TRPM3: variants seen among roughly 807,000 people sequenced by gnomAD.
The protein encoded by TRPM3 is long transient receptor potential channel 3.
A neutral mutation model predicts 181.2 loss-of-function variants in TRPM3; 77 were observed. The ratio of observed to expected loss-of-function variants is 0.42; its 90% CI spans 0.35 to 0.51. The LOEUF (loss-of-function observed/expected upper bound fraction) is 0.51, where lower values mean the gene tolerates loss of function less well. Ranked by LOEUF, TRPM3 falls within the 20% of genes least tolerant of loss-of-function variation. TRPM3 has a pLI of 0.01. For missense variants in TRPM3, 1,759 were observed against 2,196.7 expected (o/e 0.80, Z 3.98); for synonymous variants, 745 against 796.4 (o/e 0.94, Z 1.09).
At chr9:70,969,315 C>T (rs2097215520) in intron 1 of TRPM3, among the ~76,000 whole-genome samples, 1 of 151,962 alleles carries the variant, frequency 6.6e-6, no homozygotes, top group African/African-American at 2.4e-5. Flanking sequence ...AGGAGAAATA[C>T]CTAATGCAGG....
chr9:70,864,158 A>G (rs1312495541), intron 2 of TRPM3, among the ~76,000 whole-genome samples: 2 of 152,072 alleles, frequency 1.3e-5, no homozygotes, highest in Non-Finnish European at 2.9e-5. Flanking sequence ...ACCAATAACC[A>G]TAACAAAAAA....
At chr9:70,971,330 C>G (rs1174076196) in intron 1 of TRPM3, among the ~76,000 whole-genome samples, 1 of 152,144 alleles carries the variant, frequency 6.6e-6, no homozygotes, top group African/African-American at 2.4e-5. Context: ...ATTGAAATAG[C>G]TGACACCCAT....
chr9:71,392,088 T>C (rs2093074925), intron 1 of TRPM3, among the ~76,000 whole-genome samples: 1 of 152,018 alleles, frequency 6.6e-6, no homozygotes, highest in Admixed American at 6.6e-5. Context: ...GAGCAGAAAC[T>C]AAAAAGAGAA....
At chr9:70,668,617 A>T (rs1431204338) in intron 9 of TRPM3, among the ~76,000 whole-genome samples, 1 of 144,554 alleles carries the variant, frequency 6.9e-6, no homozygotes, top group Non-Finnish European at 1.5e-5. Flanking sequence ...GTGAGCCGAG[A>T]TCGCGCCACT....
At chr9:70,569,958 T>G (rs1032839200) in intron 22 of TRPM3, among the ~76,000 whole-genome samples, 4 of 152,236 alleles carry the variant, frequency 2.6e-5, no homozygotes, top group African/African-American at 9.6e-5. Flanking sequence ...TGGAATGGAC[T>G]CCAACTGTTG....
At chr9:70,819,855 C>A (rs773845025) in intron 6 of TRPM3, among the ~76,000 whole-genome samples, 19 of 152,124 alleles carry the variant, frequency 1.2e-4, no homozygotes, top group Non-Finnish European at 2.5e-4. Context: ...TTCGGCCTAA[C>A]CTAAAATATA....
At position 70,947,573 on chromosome 9, in the gene TRPM3, G is replaced by T. The variant is rs558789264; in HGVS notation, c.178-83062C>A. ...AAAATGCACTTTTGCTCTTCCTTTT[G>T]TTGTTATTCAAAGTGGAATTAAAAA... On this transcript the variant is annotated intron_variant, in intron 1 of 25. Coordinates refer to ENST00000677713, the MANE Select transcript of TRPM3 (RefSeq NM_001366145.2). Among the ~76,000 whole-genome samples the T allele has an allele frequency of 2.0e-5, 3 of 152,224 alleles. No homozygotes were observed. The East Asian group carries it at 5.8e-4, about 29-fold the overall frequency.
At chr9:70,606,917 C>T (rs1365969315) in intron 19 of TRPM3, among the ~76,000 whole-genome samples, 5 of 152,132 alleles carry the variant, frequency 3.3e-5, no homozygotes, top group Non-Finnish European at 7.4e-5. Context: ...TCTTCCTGGG[C>T]CTTTTTCTAC....
intron 1 of TRPM3, among the ~76,000 whole-genome samples, chr9:71,242,316 TAGTC>T (rs1246925044): frequency 1.3e-5 from 2 of 152,178 alleles, no homozygotes; most frequent in African/African-American, 4.8e-5. Context: ...GTCCATGAAA[TAGTC>T]AGTTAACTGA....
chr9:71,258,025 A>G (rs961065656), intron 1 of TRPM3, among the ~76,000 whole-genome samples: 2 of 152,192 alleles, frequency 1.3e-5, no homozygotes, highest in African/African-American at 2.4e-5. Context: ...TGCACATCTG[A>G]AGGTTTCCAC....
At chr9:71,395,544 T>C (rs1349907566) in intron 1 of TRPM3, among the ~76,000 whole-genome samples, 1 of 152,336 alleles carries the variant, frequency 6.6e-6, no homozygotes, top group Admixed American at 6.5e-5. Context: ...CTTCATGTAA[T>C]TGACCGCAGC....
At chr9:70,963,816 G>A (rs1380635468) in intron 1 of TRPM3, among the ~76,000 whole-genome samples, 1 of 151,974 alleles carries the variant, frequency 6.6e-6, no homozygotes, top group East Asian at 1.9e-4. Context: ...TGCATCAACA[G>A]TAGCCTAAGC....
intron 1 of TRPM3, among the ~76,000 whole-genome samples, chr9:71,289,158 TGAGAGAGA>T (rs369616489): frequency 8.2e-5 from 12 of 145,732 alleles, no homozygotes; most frequent in Admixed American, 6.9e-4. Context: ...AACAAAACAG[TGAGAGAGA>T]GAGAGAGAGA....
chr9:70,798,364 T>C (rs2131164789), intron 6 of TRPM3, among the ~76,000 whole-genome samples: 1 of 152,202 alleles, frequency 6.6e-6, no homozygotes, highest in African/African-American at 2.4e-5. Flanking sequence ...CCCCTCGGGG[T>C]ACTATTTACT....
chr9:70,531,338 T>G lies in TRPM3; in HGVS notation c.*4615A>C, dbSNP rs2040848728. On this transcript the variant is annotated 3_prime_UTR_variant, in exon 26 of 26. Coordinates refer to ENST00000677713, the MANE Select transcript of TRPM3 (RefSeq NM_001366145.2). ...TGGTTACTTTTTTTTTGTTTTTAAT[T>G]TTTCAAAACTGAACATAATCCCCAT... 6.6e-6 allele frequency: 1 copy of G among 152,216 alleles called. No homozygotes were observed. The highest frequency in any genetic ancestry group is 6.5e-5 in the Admixed American group (1 of 15,280). 9.4% of individuals were successfully genotyped at this position (152,216 alleles called of 1,614,324 possible). A position where few individuals can be genotyped will look rare whatever the true frequency, so the allele number is the denominator to read the frequency against.
At chr9:71,022,025 T>C (rs1281848967) in intron 1 of TRPM3, among the ~76,000 whole-genome samples, 1 of 152,212 alleles carries the variant, frequency 6.6e-6, no homozygotes, top group African/African-American at 2.4e-5. Context: ...GCCAAGGCTG[T>C]TGCTTTTTAT....
At position 70,541,862 on chromosome 9, in the gene TRPM3, C is replaced by T. The variant is rs1008732303; in HGVS notation, c.3708-4457G>A. On this transcript the variant is annotated intron_variant, in intron 25 of 25. Transcript: ENST00000677713. ...TTGAGGCTGGGTACAGTGGCTCACA[C>T]CTGTAATCCCAGGACTTTGGGAGGC... 9.2e-5 allele frequency among the ~76,000 whole-genome samples: 14 copies of T among 152,296 alleles called. No individual in the cohort carries two copies. The South Asian group carries it at 2.9e-3, about 32-fold the overall frequency.
intron 1 of TRPM3, among the ~76,000 whole-genome samples, chr9:70,916,741 G>A (rs1234046008): frequency 2.0e-5 from 3 of 152,128 alleles, no homozygotes; most frequent in African/African-American, 7.2e-5. Flanking sequence ...TAGGAAATAA[G>A]AAAGAAAATA....
intron 1 of TRPM3, among the ~76,000 whole-genome samples, chr9:71,220,074 G>A (rs755574301): frequency 6.6e-6 from 1 of 152,072 alleles, no homozygotes; most frequent in Non-Finnish European, 1.5e-5. Context: ...ATTGTTTATT[G>A]TATCTATTTC....
Sources: gnomAD v4.1 joint callset for allele counts (sites outside exome capture counted in the v4.1 genomes callset) on GRCh38, gnomAD v4.1.1 for gene constraint, MANE v1.5 for transcripts, NCBI Gene and HGNC (gene_info 2026-07-23, HGNC 2026-07-21) for gene names.